Variants in RFC5 observed in about 807,000 individuals in gnomAD.
RFC5 encodes the protein replication factor C subunit 5, also known as A1 36 kDa subunit.
RFC5 carries 26 observed loss-of-function variants against 44.3 expected under a neutral mutation model. That is an observed-to-expected ratio of 0.59 (90% CI 0.43 to 0.81). The LOEUF (loss-of-function observed/expected upper bound fraction) is 0.81. Ranked by LOEUF, RFC5 falls within the 40% of genes least tolerant of loss-of-function variation. The pLI is 0.00. For missense variants in RFC5, 328 were observed against 418.6 expected (o/e 0.78, Z 1.89); for synonymous variants, 155 against 155.2 (o/e 1.00, Z 0.01).
intron 5 of RFC5, among the ~76,000 whole-genome samples, chr12:118,023,046 G>A (rs1177585657): frequency 6.8e-6 from 1 of 146,974 alleles, no homozygotes; most frequent in South Asian, 2.2e-4. Context: ...ATGGGGTGTG[G>A]AAAATCTTTC....
chr12:118,023,452 A>G, intron 5 of RFC5, among the ~76,000 whole-genome samples: 1 of 49,708 alleles, frequency 2.0e-5, no homozygotes. Flanking sequence ...GAGGAGGAGG[A>G]GGGGGAGGAG....
rs746520245 is a variant in RFC5 at position 118,019,588 on chromosome 12, G to T, written c.131-44G>T. ...TCAGGAGCCCAGGGTGAATGAGGCA[G>T]CTCCCAAAGACTGATGGTGCCCTTC... On this transcript the variant is annotated intron_variant, in intron 2 of 10. Transcript: ENST00000454402. This position sits in a 1 kb window ranked among gnomAD's most constrained non-coding sequence, Gnocchi z 4.2. 5.6e-6 allele frequency: 9 copies of T among 1,611,060 alleles called. No individual in the cohort carries two copies. The highest frequency in any genetic ancestry group is 7.6e-6 in the Non-Finnish European group (9 of 1,178,278).
chr12:118,035,165 C>T, downstream of RFC5: 3 of 1,612,598 alleles, frequency 1.9e-6, no homozygotes, highest in Non-Finnish European at 2.5e-6. Context: ...GCTGCCATTA[C>T]TTGCAAGCAC....
chr12:118,032,448 C>A (rs2031372720), downstream of RFC5: 2 of 152,180 alleles, frequency 1.3e-5, no homozygotes. Flanking sequence ...CCCAGCTCTT[C>A]TGCTGTACTA....
At chr12:118,017,639 A>G in intron 1 of RFC5, 1 of 1,029,748 alleles carries the variant, frequency 9.7e-7, no homozygotes, top group East Asian at 6.8e-5. Flanking sequence ...AAAAACCCAG[A>G]AGATTGACAG....
the RFC5 span, among the ~76,000 whole-genome samples, chr12:118,038,996 T>G: frequency 6.6e-6 from 1 of 152,232 alleles, no homozygotes; most frequent in Non-Finnish European, 1.5e-5. Context: ...GGACCTTTGA[T>G]AGCAGAGAAT....
At chr12:118,029,994 A>G (rs1006196799) in intron 10 of RFC5, among the ~76,000 whole-genome samples, 169 bp downstream of exon 10, 2 of 152,114 alleles carry the variant, frequency 1.3e-5, no homozygotes, top group African/African-American at 4.8e-5. Context: ...GAGCTGCTTA[A>G]AGAACATGGG....
At chr12:118,040,487 G>C in the RFC5 span, among the ~76,000 whole-genome samples, 1 of 152,002 alleles carries the variant, frequency 6.6e-6, no homozygotes, top group Non-Finnish European at 1.5e-5. Context: ...CCAGCCGAGC[G>C]TGGTACCTCA....
downstream of RFC5, among the ~76,000 whole-genome samples, chr12:118,036,693 C>A (rs1158710878): frequency 1.3e-5 from 2 of 152,166 alleles, no homozygotes; most frequent in East Asian, 3.9e-4. Context: ...GGTCTGGATT[C>A]TTGAGGATTT....
chr12:118,039,137 C>T, the RFC5 span, among the ~76,000 whole-genome samples: 1 of 152,188 alleles, frequency 6.6e-6, no homozygotes, highest in African/African-American at 2.4e-5. Context: ...CAGACTGTCA[C>T]CCTCCCAGCC....
chr12:118,019,828 G>T lies in RFC5; in HGVS notation c.267+60G>T. The T allele has an allele frequency of 7.3e-7, 1 of 1,373,686 alleles. No homozygotes were observed. Among genetic ancestry groups the T allele is most frequent in the Non-Finnish European group, 1.0e-6 (1 of 988,556 alleles). 85.1% of individuals were successfully genotyped at this position (1,373,686 alleles called of 1,614,324 possible). ...AAGAGACTCCAGTCTCTTAATTTCA[G>T]TTCTGCTGGTTTTATTTTACTTTAA... is the stretch of plus-strand genomic sequence containing the variant. On this transcript the variant is annotated intron_variant, in intron 3 of 10. Transcript: ENST00000454402. This position sits in a 1 kb window ranked among gnomAD's most constrained non-coding sequence, Gnocchi z 4.2.
intron 7 of RFC5, among the ~76,000 whole-genome samples, chr12:118,026,195 C>T (rs537948990): frequency 6.6e-5 from 10 of 152,224 alleles, no homozygotes; most frequent in African/African-American, 2.4e-4. Flanking sequence ...GAAGAAAGAC[C>T]TAAGCAAAGG....
At chr12:118,029,873 C>T (rs776500751) in intron 10 of RFC5, 48 bp downstream of exon 10, 2 of 1,337,836 alleles carry the variant, frequency 1.5e-6, no homozygotes, top group East Asian at 4.6e-5. Flanking sequence ...CTTTTTTCCC[C>T]TGTTGTGAGT....
chr12:118,037,825 C>G (rs924013286), downstream of RFC5: 1 of 155,112 alleles, frequency 6.4e-6, no homozygotes, highest in Non-Finnish European at 1.4e-5. Context: ...GAACTGTTCT[C>G]AAATTGTTCT....
the RFC5 span, among the ~76,000 whole-genome samples, chr12:118,039,399 C>T: frequency 6.6e-6 from 1 of 152,178 alleles, no homozygotes; most frequent in African/African-American, 2.4e-5. Context: ...GGGGTACCTA[C>T]AGTTTAATGA....
intron 4 of RFC5, among the ~76,000 whole-genome samples, chr12:118,021,925 C>T (rs1419966437): frequency 6.6e-6 from 1 of 151,996 alleles, no homozygotes; most frequent in Non-Finnish European, 1.5e-5. Flanking sequence ...GCACTGCACT[C>T]CAGCCTGGGC....
chr12:118,032,633 A>G (rs973897972), downstream of RFC5: 1 of 151,846 alleles, frequency 6.6e-6, no homozygotes, highest in Admixed American at 6.6e-5. Flanking sequence ...ATGCCACCAC[A>G]TCCTCAGCCC....
In RFC5 at chr12:118,031,326, G is replaced by A. The variant is rs192795722; in HGVS notation, c.*48G>A. 1.2e-5 allele frequency: 16 copies of A among 1,281,134 alleles called. No individual in the cohort carries two copies. Among genetic ancestry groups the A allele is most frequent in the Non-Finnish European group, 1.7e-5 (15 of 881,860 alleles). 79.4% of individuals were successfully genotyped at this position (1,281,134 alleles called of 1,614,324 possible). A position where few individuals can be genotyped will look rare whatever the true frequency, so the allele number is the denominator to read the frequency against. On this transcript the variant is annotated 3_prime_UTR_variant, in exon 11 of 11. Coordinates refer to ENST00000454402, the MANE Select transcript of RFC5 (RefSeq NM_007370.7). ...TTCTCAGGGCTCAGCAGTGATGGGA[G>A]AACAGAGGACAGTTCCAGGATAAAC...
intron 5 of RFC5, among the ~76,000 whole-genome samples, chr12:118,024,160 T>C (rs1341064001): frequency 1.3e-5 from 2 of 151,802 alleles, no homozygotes; most frequent in African/African-American, 4.8e-5. Flanking sequence ...GCTAACATGG[T>C]GAAACCCCGT....
Sources: gnomAD v4.1 joint callset for allele counts (sites outside exome capture counted in the v4.1 genomes callset) on GRCh38, gnomAD v4.1.1 for gene constraint, Gnocchi (gnomAD v3.1) non-coding constraint, MANE v1.5 for transcripts, NCBI Gene and HGNC (gene_info 2026-07-23, HGNC 2026-07-21) for gene names.